The following PDE4D variants were observed in gnomAD, a reference collection of about 807,000 sequenced individuals.
PDE4D encodes the protein 3',5'-cyclic-AMP phosphodiesterase 4D.
In PDE4D, 24 loss-of-function variants were observed where a neutral mutation model predicts 87.4. That is an observed-to-expected ratio of 0.27 (90% confidence interval 0.20 to 0.39). The LOEUF is 0.39. Among genes scored for constraint, PDE4D ranks in the 10% least tolerant of loss-of-function variants. The pLI is 1.00. For missense variants in PDE4D, 714 were observed against 1,041.0 expected, an observed-to-expected ratio of 0.69 and a Z score of 4.32; for synonymous variants, 384 against 383.2, an observed-to-expected ratio of 1.00 and a Z score of -0.02.
intron 5 of PDE4D, among the ~76,000 whole-genome samples, chr5:59,168,536 A>G (rs1782248470): frequency 6.6e-6 from 1 of 152,148 alleles, no homozygotes; most frequent in Non-Finnish European, 1.5e-5. Context: ...TTATATAACT[A>G]TAGAGAGTTT....
rs543518970 is a variant in PDE4D at position 60,012,990 on chromosome 5, C to T, written c.43-24273G>A. Among the ~76,000 whole-genome samples, 636 of 152,244 alleles carry T rather than the reference C, an allele frequency of 4.2e-3. 3 individuals carry two copies. Among genetic ancestry groups the T allele is most frequent in the Non-Finnish European group, 5.8e-3 (392 of 68,022 alleles). On this transcript the variant is annotated intron_variant, in intron 2 of 16. Transcript: ENST00000502484. ...CCAAATTTTTCTCTTGCCTCTGCGCCCCATAGCTATTTGTCTCAACATACT... is the reference window on the plus strand; with the variant it reads ...CCAAATTTTTCTCTTGCCTCTGCGCTCCATAGCTATTTGTCTCAACATACT...
chr5:59,218,619 G>A (rs1032083093), intron 1 of PDE4D, among the ~76,000 whole-genome samples: 1 of 151,980 alleles, frequency 6.6e-6, no homozygotes, highest in Non-Finnish European at 1.5e-5. Context: ...TCCACTAGAT[G>A]GAGATCATTT....
At chr5:60,207,946 TGTGG>T (rs2149563914) in intron 1 of PDE4D, among the ~76,000 whole-genome samples, 1 of 152,370 alleles carries the variant, frequency 6.6e-6, no homozygotes, top group African/African-American at 2.4e-5. Context: ...TTTCTGCTGC[TGTGG>T]GTATAAACCA....
At chr5:59,061,657 C>A (rs1274702289) in intron 5 of PDE4D, among the ~76,000 whole-genome samples, 1 of 152,044 alleles carries the variant, frequency 6.6e-6, no homozygotes, top group Non-Finnish European at 1.5e-5. Flanking sequence ...CATTCTAATC[C>A]CTGACACGTT....
chr5:60,280,117 T>C (rs998032666), intron 1 of PDE4D, among the ~76,000 whole-genome samples: 2 of 152,100 alleles, frequency 1.3e-5, no homozygotes, highest in Admixed American at 1.3e-4. Flanking sequence ...TATTTCTATA[T>C]AAATAACATC....
At chr5:60,269,761 G>T (rs1422091777) in intron 1 of PDE4D, among the ~76,000 whole-genome samples, 2 of 152,210 alleles carry the variant, frequency 1.3e-5, no homozygotes, top group East Asian at 3.9e-4. Context: ...TGATTTGCTT[G>T]GTTTAATCAT....
intron 1 of PDE4D, among the ~76,000 whole-genome samples, chr5:59,368,269 T>A (rs1783397808): frequency 6.6e-6 from 1 of 152,250 alleles, no homozygotes; most frequent in Admixed American, 6.5e-5. Context: ...CTTGTGAAAC[T>A]TGCTCTTTTG....
rs60232413 is a variant in PDE4D, at chr5:60,322,367, T to TACACACACACAC, written c.-89-136692_-89-136681dup. Among the ~76,000 whole-genome samples, 16 of 132,800 alleles carry TACACACACACAC rather than the reference T, an allele frequency of 1.2e-4. 1 individual carries two copies. Among genetic ancestry groups the TACACACACACAC allele is most frequent in the Middle Eastern group, 3.8e-3 (1 of 260 alleles). 87.1% of individuals were successfully genotyped at this position (132,800 alleles called of 152,430 possible). Reference sequence around the variant, plus strand: ...AACATTGAATATATATGGACACACATACACACACACACACACACACACACA... The same window carrying TACACACACACAC: ...AACATTGAATATATATGGACACACATACACACACACACACACACACACACACACACACACACA... On this transcript the variant is annotated intron_variant, in intron 1 of 16. Transcript: ENST00000502484.
intron 6 of PDE4D, among the ~76,000 whole-genome samples, chr5:59,018,018 T>C (rs1411094801): frequency 6.6e-6 from 1 of 152,206 alleles, no homozygotes; most frequent in Non-Finnish European, 1.5e-5. Flanking sequence ...TGCAGCATTT[T>C]ACTTAAGGAT....
chr5:60,306,213 C>T (rs527500426), intron 1 of PDE4D, among the ~76,000 whole-genome samples: 1 of 152,012 alleles, frequency 6.6e-6, no homozygotes, highest in South Asian at 2.1e-4. Flanking sequence ...TAACATAAAA[C>T]ATTTCTAAAT....
At chr5:59,103,881 T>C (rs1771150006) in intron 5 of PDE4D, among the ~76,000 whole-genome samples, 1 of 152,218 alleles carries the variant, frequency 6.6e-6, no homozygotes, top group African/African-American at 2.4e-5. Context: ...AGGCAGAGTA[T>C]AAAGAGAACC....
chr5:59,944,005 A>G (rs537497708), intron 3 of PDE4D, among the ~76,000 whole-genome samples: 1 of 152,226 alleles, frequency 6.6e-6, no homozygotes, highest in Non-Finnish European at 1.5e-5. Context: ...TAAAATGCTG[A>G]CATATCTATG....
chr5:59,417,742 T>C (rs1793846409), intron 1 of PDE4D, among the ~76,000 whole-genome samples: 1 of 152,184 alleles, frequency 6.6e-6, no homozygotes, highest in African/African-American at 2.4e-5. Context: ...CTAACAATTA[T>C]GCCAAACTTT....
intron 1 of PDE4D, among the ~76,000 whole-genome samples, chr5:60,265,703 C>T (rs142268456): frequency 1.5e-4 from 23 of 152,216 alleles, no homozygotes; most frequent in Non-Finnish European, 2.8e-4. Flanking sequence ...CCACTCTGTA[C>T]CTGGCAAAAC....
At chr5:59,725,041 A>G (rs1007100002) in intron 1 of PDE4D, among the ~76,000 whole-genome samples, 1 of 152,100 alleles carries the variant, frequency 6.6e-6, no homozygotes, top group Admixed American at 6.6e-5. Context: ...GCCATGAAAT[A>G]GTTTAATTGG....
At chr5:59,877,701 C>T (rs559683404) in intron 1 of PDE4D, among the ~76,000 whole-genome samples, 76 of 151,960 alleles carry the variant, frequency 5.0e-4, no homozygotes, top group African/African-American at 1.7e-3. Flanking sequence ...CAACTCTGGT[C>T]CTAGCTACTT....
rs375137831 is a variant in PDE4D, at chr5:59,156,484, CCTT to C, written c.808+24108_808+24110del. 4.4e-3 allele frequency among the ~76,000 whole-genome samples: 670 copies of C among 151,078 alleles called. 11 individuals carry two copies. The highest frequency in any genetic ancestry group is 0.015 in the African/African-American group (636 of 41,152). ...TTCTAAAAGGAGTGGGTGTACTATTCCTTCTTTTTTCCTCCTTCTTGCTGCTGG... is the reference window on the plus strand; with the variant it reads ...TTCTAAAAGGAGTGGGTGTACTATTCCTTTTTTCCTCCTTCTTGCTGCTGG... On this transcript the variant is annotated intron_variant, in intron 5 of 14. Coordinates refer to ENST00000340635, the MANE Select transcript of PDE4D (RefSeq NM_001104631.2).
chr5:59,874,257 C>T (rs1368015765), intron 1 of PDE4D, among the ~76,000 whole-genome samples: 1 of 152,144 alleles, frequency 6.6e-6, no homozygotes, highest in African/African-American at 2.4e-5. Flanking sequence ...TTACTTTTCA[C>T]ATAATGTCCC....
intron 1 of PDE4D, among the ~76,000 whole-genome samples, chr5:60,190,983 T>C (rs764735287): frequency 2.0e-5 from 3 of 152,106 alleles, no homozygotes; most frequent in Non-Finnish European, 4.4e-5. Flanking sequence ...GCTGGTCTCA[T>C]CTCTGCCGCA....
Sources: allele counts gnomAD v4.1 joint callset (sites outside exome capture counted in the v4.1 genomes callset), GRCh38; gene constraint gnomAD v4.1.1; transcripts MANE v1.5; gene names NCBI Gene and HGNC (gene_info 2026-07-23, HGNC 2026-07-21).